CAMK1D: variants seen among roughly 807,000 people sequenced by gnomAD.
CAMK1D encodes calcium/calmodulin-dependent protein kinase type 1D.
In CAMK1D, 9 loss-of-function variants were observed where a neutral mutation model predicts 47.7. The observed-to-expected ratio is 0.19, with a 90% CI of 0.11 to 0.33. The LOEUF is 0.33. Among genes scored for constraint, CAMK1D ranks in the 10% least tolerant of loss-of-function variants. The pLI, the probability that CAMK1D is intolerant of heterozygous loss-of-function variation, is 1.00. For missense variants in CAMK1D, 291 were observed against 488.7 expected (o/e 0.60, Z 3.81); for synonymous variants, 184 against 184.9 (o/e 0.99, Z 0.04).
intron 2 of CAMK1D, among the ~76,000 whole-genome samples, chr10:12,572,738 C>T (rs889585132): frequency 6.6e-6 from 1 of 152,076 alleles, no homozygotes; most frequent in African/African-American, 2.4e-5. Flanking sequence ...CTTAAGTGAT[C>T]CTCCTGCCTC....
chr10:12,750,515 GC>G (rs1461373621), intron 3 of CAMK1D, among the ~76,000 whole-genome samples: 2 of 152,162 alleles, frequency 1.3e-5, no homozygotes, highest in East Asian at 3.8e-4. Context: ...CCCTGGGTGG[GC>G]TGGAGGTTCT....
intron 6 of CAMK1D, among the ~76,000 whole-genome samples, chr10:12,795,958 C>G (rs1838180194): frequency 2.6e-5 from 4 of 152,128 alleles, no homozygotes; most frequent in Admixed American, 1.3e-4. Flanking sequence ...TCCAGTGTGA[C>G]GGGCTTGGCT....
At chr10:12,616,750 C>T (rs979093089) in intron 2 of CAMK1D, among the ~76,000 whole-genome samples, 4 of 152,162 alleles carry the variant, frequency 2.6e-5, no homozygotes, top group African/African-American at 4.8e-5. Flanking sequence ...ATCTCCTGAC[C>T]TCGTGATCCG....
chr10:12,776,886 A>G (rs1837271849), intron 5 of CAMK1D, among the ~76,000 whole-genome samples: 1 of 152,222 alleles, frequency 6.6e-6, no homozygotes, highest in South Asian at 2.1e-4. Context: ...GAGCTGAAAC[A>G]TGAAGAAGGA....
At chr10:12,724,168 G>A (rs75332170) in intron 3 of CAMK1D, among the ~76,000 whole-genome samples, 1 of 152,156 alleles carries the variant, frequency 6.6e-6, no homozygotes, top group Non-Finnish European at 1.5e-5. Flanking sequence ...TTTTATATTT[G>A]TAATAGAGAT....
At chr10:12,458,597 A>G (rs1181706858) in intron 1 of CAMK1D, among the ~76,000 whole-genome samples, 1 of 151,660 alleles carries the variant, frequency 6.6e-6, no homozygotes, top group Non-Finnish European at 1.5e-5. Flanking sequence ...TATTGTTATT[A>G]TTAATATTTT....
At chr10:12,571,789 C>G (rs957924320) in intron 2 of CAMK1D, among the ~76,000 whole-genome samples, 2 of 152,112 alleles carry the variant, frequency 1.3e-5, no homozygotes, top group African/African-American at 4.8e-5. Flanking sequence ...TAGTGCCTGG[C>G]AAAGTCCTTG....
At chr10:12,511,099 C>G (rs1421133801) in intron 1 of CAMK1D, among the ~76,000 whole-genome samples, 1 of 152,176 alleles carries the variant, frequency 6.6e-6, no homozygotes, top group Non-Finnish European at 1.5e-5. Context: ...TCACATTTTT[C>G]TTCATTGGTA....
At chr10:12,656,718 C>A (rs1042955691) in intron 2 of CAMK1D, among the ~76,000 whole-genome samples, 1 of 152,164 alleles carries the variant, frequency 6.6e-6, no homozygotes, top group South Asian at 2.1e-4. Context: ...AGTATAGCTC[C>A]ATCTTCTGGC....
chr10:12,666,588 A>G lies in CAMK1D; in HGVS notation c.225-148A>G, dbSNP rs1027796669. The G allele has an allele frequency of 3.7e-5, 24 of 651,920 alleles. No individual in the cohort carries two copies. In the African/African-American group the frequency reaches 4.2e-4, roughly 11 times the overall value. 40.4% of individuals were successfully genotyped at this position (651,920 alleles called of 1,614,324 possible). A position where few individuals can be genotyped will look rare whatever the true frequency, so the allele number is the denominator to read the frequency against. On this transcript the variant is annotated intron_variant, in intron 2 of 10. Transcript: ENST00000619168. ...ACTGTTAGGAAATGGGTCTGGAAAA[A>G]GTCTGGGGACAACATTGTGAAGTCT...
intron 5 of CAMK1D, among the ~76,000 whole-genome samples, chr10:12,772,224 G>C (rs927513720): frequency 2.0e-5 from 3 of 152,100 alleles, no homozygotes; most frequent in African/African-American, 7.2e-5. Flanking sequence ...AGCTCGATCT[G>C]AGCCATCAGG....
chr10:12,547,435 A>G (rs1033013445), intron 1 of CAMK1D, among the ~76,000 whole-genome samples: 1 of 152,180 alleles, frequency 6.6e-6, no homozygotes, highest in East Asian at 1.9e-4. Context: ...GGAGTGCTCC[A>G]TCGTTCAGCT....
At chr10:12,757,731 G>C (rs1316784058) in intron 3 of CAMK1D, among the ~76,000 whole-genome samples, 1 of 152,142 alleles carries the variant, frequency 6.6e-6, no homozygotes, top group African/African-American at 2.4e-5. Context: ...GAAGATTATA[G>C]TGAGGGCTCC....
chr10:12,762,285 A>T (rs1051143251), intron 4 of CAMK1D, among the ~76,000 whole-genome samples: 1 of 152,234 alleles, frequency 6.6e-6, no homozygotes, highest in African/African-American at 2.4e-5. Context: ...GGATCATATC[A>T]TCTTGAAGCT....
At chr10:12,445,597 G>T (rs1832902666) in intron 1 of CAMK1D, among the ~76,000 whole-genome samples, 1 of 152,080 alleles carries the variant, frequency 6.6e-6, no homozygotes, top group African/African-American at 2.4e-5. Flanking sequence ...TTTTTAGACT[G>T]GAAACTTTCC....
intron 1 of CAMK1D, among the ~76,000 whole-genome samples, chr10:12,361,601 G>C (rs1334521485): frequency 7.3e-6 from 1 of 136,832 alleles, no homozygotes; most frequent in Non-Finnish European, 1.5e-5. Flanking sequence ...TGTGGCCCAG[G>C]CTGGAGTGCA....
Position 12,814,319 on chromosome 10 carries a change from A to T in CAMK1D, c.754+12A>T, listed in dbSNP as rs17152285. On this transcript the variant is annotated intron_variant, in intron 7 of 10. Transcript: ENST00000619168. ...CATCTCCGACTCTGGTAGGTCTCCCATAGGCAGCTCCCAGTGGGCGGCCCC... is the reference window on the plus strand; with the variant it reads ...CATCTCCGACTCTGGTAGGTCTCCCTTAGGCAGCTCCCAGTGGGCGGCCCC... 5.1e-3 allele frequency: 7,984 copies of T among 1,565,504 alleles called. 290 individuals are homozygous for T. The African/African-American group carries it at 0.088, about 17-fold the overall frequency.
rs1564498415 is a variant in CAMK1D at position 12,694,195 on chromosome 10, TATTATATATTATGTATAATATAA to T, written c.299+27387_299+27409del. Among the ~76,000 whole-genome samples, 19 of 4,244 alleles carry T rather than the reference TATTATATATTATGTATAATATAA, an allele frequency of 4.5e-3. 6 individuals are homozygous for T. The highest frequency in any genetic ancestry group is 8.1e-3 in the Non-Finnish European group (15 of 1,856). The allele number at this position is 4,244 out of a possible 152,430, so 2.8% of individuals were successfully genotyped here. The stretch of plus-strand genomic sequence containing the variant: ...TATATATTATATATAATATAATATA[TATTATATATTATGTATAATATAA>T]AATATATATTATGTATAATATATAA... On this transcript the variant is annotated intron_variant, in intron 3 of 10. Coordinates refer to ENST00000619168, the MANE Select transcript of CAMK1D (RefSeq NM_153498.4).
intron 3 of CAMK1D, among the ~76,000 whole-genome samples, chr10:12,715,724 C>CTTTTTTT (rs34313574): frequency 7.8e-6 from 1 of 128,728 alleles, no homozygotes. Flanking sequence ...TGGCATTTGC[C>CTTTTTTT]TTTTTTTTTT....
Sources: allele counts gnomAD v4.1 joint callset (sites outside exome capture counted in the v4.1 genomes callset), GRCh38; gene constraint gnomAD v4.1.1; transcripts MANE v1.5; gene names NCBI Gene and HGNC (gene_info 2026-07-23, HGNC 2026-07-21).